Variants in ULK2 observed in about 807,000 individuals in gnomAD.
The protein encoded by ULK2 is unc-51 like autophagy activating kinase 2.
A neutral mutation model predicts 127.5 loss-of-function variants in ULK2; 76 were observed. The observed-to-expected ratio is 0.60, with a 90% CI of 0.50 to 0.72. The LOEUF is 0.72. ULK2 is among the 30% of genes least tolerant of loss of function. The pLI is 0.00. For missense variants in ULK2, 1,144 were observed against 1,295.9 expected (o/e 0.88, Z 1.80); for synonymous variants, 452 against 461.9 (o/e 0.98, Z 0.28).
chr17:19,786,870 C>T (rs2087044353), intron 20 of ULK2, among the ~76,000 whole-genome samples: 1 of 152,278 alleles, frequency 6.6e-6, no homozygotes, highest in South Asian at 2.1e-4. Context: ...TAATCCCAAT[C>T]TGTAAAGATA....
chr17:19,834,535 GA>G (rs1011742322), intron 10 of ULK2, among the ~76,000 whole-genome samples: 11 of 146,190 alleles, frequency 7.5e-5, no homozygotes, highest in South Asian at 2.2e-4. Flanking sequence ...AATACAAAAA[GA>G]AAAAAAAAAT....
intron 5 of ULK2, 111 bp from the exon 6 acceptor site, chr17:19,847,021 T>C (rs983624395): frequency 1.1e-5 from 11 of 989,980 alleles, no homozygotes; most frequent in African/African-American, 8.4e-5. Context: ...AATGAGGAAT[T>C]TGGATTCACA....
At chr17:19,831,781 T>G (rs1043406564) in intron 10 of ULK2, among the ~76,000 whole-genome samples, 25 of 152,042 alleles carry the variant, frequency 1.6e-4, no homozygotes, top group Non-Finnish European at 3.7e-4. Context: ...GAGTCAAGAC[T>G]GTGCCACTGC....
intron 14 of ULK2, among the ~76,000 whole-genome samples, chr17:19,806,166 T>C (rs934518381): frequency 2.0e-5 from 3 of 152,196 alleles, no homozygotes; most frequent in Non-Finnish European, 1.5e-5. Flanking sequence ...AGTGCACTCA[T>C]AGGTCTGACA....
intron 17 of ULK2, 85 bp from the exon 18 acceptor site, chr17:19,797,767 TG>T (rs1330151509): frequency 8.4e-7 from 1 of 1,195,522 alleles, no homozygotes; most frequent in Non-Finnish European, 1.1e-6. Context: ...ATTTTTAAAA[TG>T]AGAATTCTGA....
At position 19,867,390 on chromosome 17, in the gene ULK2, T is replaced by C; in HGVS notation, c.28A>G (p.Ser10Gly). 1 of 1,601,756 alleles carries C rather than the reference T, an allele frequency of 6.2e-7. No individual in the cohort carries two copies. The highest frequency in any genetic ancestry group is 8.5e-7 in the Non-Finnish European group (1 of 1,175,400). Residue 10 changes from serine to glycine, a missense_variant, in exon 1 of 27, where the codon AGC becomes GGC. Physicochemically the swap from Ser to Gly is moderately conservative, Grantham distance 56. Around this residue, in one of 2 missense-constraint regions of ULK2, gnomAD observed 231 missense variants for 325.4 expected, o/e 0.71. Transcript: ENST00000395544. MEVVGDFEY[S>G]KRDLVGHGAF... ...CCGTGTCCCACGAGATCCCTCTTGC[T>C]GTACTCGAAGTCACCCACCACCTCC...
chr17:19,822,988 A>AT (rs35354990), intron 12 of ULK2, among the ~76,000 whole-genome samples: 3,223 of 127,566 alleles, frequency 0.025, 106 homozygotes, highest in African/African-American at 0.078. Flanking sequence ...ACCCAGCCGG[A>AT]TTTTTTTTTT....
intron 12 of ULK2, among the ~76,000 whole-genome samples, chr17:19,823,445 C>T (rs2041210227): frequency 6.6e-6 from 1 of 152,068 alleles, no homozygotes; most frequent in East Asian, 1.9e-4. Flanking sequence ...CTCTCTCATC[C>T]CTCAGTCACA....
At chr17:19,834,904 G>A (rs1455528163) in intron 10 of ULK2, among the ~76,000 whole-genome samples, 3 of 146,928 alleles carry the variant, frequency 2.0e-5, no homozygotes, top group African/African-American at 7.6e-5. Context: ...GTGAGACTCT[G>A]TCTCAGAAAA....
rs2042381511 is a variant in ULK2 at position 19,867,524 on chromosome 17, G to C, written c.-107C>G. 2.8e-6 allele frequency: 2 copies of C among 716,882 alleles called. No individual in the cohort carries two copies. Among genetic ancestry groups the C allele is most frequent in the Non-Finnish European group, 3.9e-6 (2 of 518,120 alleles). 44.4% of individuals were successfully genotyped at this position (716,882 alleles called of 1,614,324 possible). ...GAGCGCGCCAGCGTGCGGCGGGTCT[G>C]GGGCAGCCGCAGCCCCGGGCCCGGG... On this transcript the variant is annotated 5_prime_UTR_variant, in exon 1 of 27. Transcript: ENST00000395544.
At chr17:19,804,109 G>A (rs191999628) in intron 15 of ULK2, among the ~76,000 whole-genome samples, 21 of 152,196 alleles carry the variant, frequency 1.4e-4, no homozygotes, top group Admixed American at 9.2e-4. Flanking sequence ...TTGGCCAGGC[G>A]TGGTGGCTCA....
intron 8 of ULK2, 45 bp from the exon 9 acceptor site, chr17:19,841,592 A>T: frequency 6.8e-7 from 1 of 1,468,884 alleles, no homozygotes; most frequent in Non-Finnish European, 9.2e-7. Context: ...ATGGGGGCAA[A>T]ACTTTCAAAT....
At chr17:19,796,964 C>A (rs750858677) in intron 18 of ULK2, among the ~76,000 whole-genome samples, 1 of 152,164 alleles carries the variant, frequency 6.6e-6, no homozygotes, top group African/African-American at 2.4e-5. Context: ...AAAGTACTTA[C>A]GCTGCATCTG....
At position 19,864,789 on chromosome 17, in the gene ULK2, TC is replaced by T; in HGVS notation, c.225+13del. The T allele has an allele frequency of 8.1e-7, 1 of 1,233,018 alleles. No individual in the cohort carries two copies. Among genetic ancestry groups the T allele is most frequent in the Non-Finnish European group, 1.1e-6 (1 of 941,382 alleles). The allele number at this position is 1,233,018 out of a possible 1,614,324, so 76.4% of individuals were successfully genotyped here. On this transcript the variant is annotated intron_variant, in intron 3 of 26. Coordinates refer to ENST00000395544, the MANE Select transcript of ULK2 (RefSeq NM_014683.4). The stretch of plus-strand genomic sequence containing the variant: ...AATTTATTTTAATTTTTAAAAATTT[TC>T]AAAATAAGGTACCTGAACATCATAG...
intron 11 of ULK2, 59 bp from the exon 12 acceptor site, chr17:19,825,241 T>A (rs2152392796): frequency 6.8e-7 from 1 of 1,475,622 alleles, no homozygotes; most frequent in East Asian, 2.3e-5. Flanking sequence ...ATGACCTGTA[T>A]AACAGAAACA....
At chr17:19,814,432 A>T (rs1472565533) in intron 13 of ULK2, among the ~76,000 whole-genome samples, 255 of 15,288 alleles carry the variant, frequency 0.017, no homozygotes, top group African/African-American at 0.045. Flanking sequence ...ATATATATAT[A>T]TATATATTTT....
intron 9 of ULK2, among the ~76,000 whole-genome samples, chr17:19,840,948 T>C (rs1195519093): frequency 6.6e-6 from 1 of 152,126 alleles, no homozygotes; most frequent in African/African-American, 2.4e-5. Flanking sequence ...TCATCTGTGA[T>C]GTGCTACAAA....
intron 10 of ULK2, among the ~76,000 whole-genome samples, chr17:19,829,845 A>AG (rs756589257): frequency 3.1e-5 from 3 of 97,424 alleles, no homozygotes; most frequent in Non-Finnish European, 5.6e-5. Context: ...TTTCAAAAAA[A>AG]AAAAAAAAAA....
At chr17:19,782,141 A>C in intron 22 of ULK2, 74 bp from the exon 23 acceptor site, 3 of 1,383,192 alleles carry the variant, frequency 2.2e-6, no homozygotes, top group Non-Finnish European at 3.0e-6. Flanking sequence ...TACATAAACC[A>C]TGGCCGCTGA....
Sources: gnomAD v4.1 joint callset for allele counts (sites outside exome capture counted in the v4.1 genomes callset) on GRCh38, gnomAD v4.1.1 for gene constraint, gnomAD v4.1.1 regional missense constraint, MANE v1.5 for transcripts, NCBI Gene and HGNC (gene_info 2026-07-23, HGNC 2026-07-21) for gene names.